HTT: variants seen among roughly 807,000 people sequenced by gnomAD.
The protein encoded by HTT is huntingtin.
A neutral mutation model predicts 362.3 loss-of-function variants in HTT; 104 were observed. The observed-to-expected ratio is 0.29, with a 90% CI of 0.24 to 0.34. The LOEUF is 0.34. Ranked by LOEUF, HTT falls within the 10% of genes least tolerant of loss-of-function variation. HTT has a pLI of 1.00. For missense variants in HTT, 3,301 were observed against 3,928.6 expected (o/e 0.84, Z 4.27); for synonymous variants, 1,577 against 1,548.7 (o/e 1.02, Z -0.43).
At chr4:3,152,076 C>A (rs1026656647) in intron 26 of HTT, among the ~76,000 whole-genome samples, 1 of 151,160 alleles carries the variant, frequency 6.6e-6, no homozygotes, top group Non-Finnish European at 1.5e-5. Context: ...TACAGGCATA[C>A]CCACCATGCC....
At chr4:3,103,347 C>G (rs1174700593) in intron 3 of HTT, among the ~76,000 whole-genome samples, 13 of 150,894 alleles carry the variant, frequency 8.6e-5, no homozygotes, top group Admixed American at 5.9e-4. Flanking sequence ...GCCTCAGCCT[C>G]TCGAGTAGCT....
intron 27 of HTT, among the ~76,000 whole-genome samples, chr4:3,156,322 G>A (rs542588178): frequency 2.4e-4 from 36 of 151,880 alleles, no homozygotes. Flanking sequence ...GTTTCACCAT[G>A]TTGGCCAGGC....
At chr4:3,195,788 CTCCTT>C (rs1266964082) in intron 40 of HTT, among the ~76,000 whole-genome samples, 1 of 152,192 alleles carries the variant, frequency 6.6e-6, no homozygotes, top group African/African-American at 2.4e-5. Flanking sequence ...GGGACCCAGG[CTCCTT>C]TCCTTCTTTT....
chr4:3,203,565 A>G (rs952278928), intron 41 of HTT, among the ~76,000 whole-genome samples: 1 of 152,274 alleles, frequency 6.6e-6, no homozygotes, highest in Non-Finnish European at 1.5e-5. Context: ...TAACATCAAC[A>G]TGTTTAGAGT....
chr4:3,142,784 C>G lies in HTT; in HGVS notation c.2964C>G (p.Asn988Lys). 6.5e-7 allele frequency: 1 copy of G among 1,528,396 alleles called. No homozygotes were observed. The highest frequency in any genetic ancestry group is 1.4e-5 in the African/African-American group (1 of 73,192). 94.7% of individuals were successfully genotyped at this position (1,528,396 alleles called of 1,614,324 possible). ...TTATTAGAATATATAGAGGCTATAA[C>G]CTACTACCAAGCATAACAGACGTCA... is the stretch of plus-strand genomic sequence containing the variant. ...STITRIYRGY[N>K]LLPSITDVTM... is the part of the protein sequence containing the mutation. Residue 988 changes from asparagine (N) to lysine (K), a missense_variant, in exon 23 of 67, where the codon AAC becomes AAG. Transcript: ENST00000355072.
At chr4:3,191,011 GA>G (rs1287993389) in intron 40 of HTT, among the ~76,000 whole-genome samples, 1 of 152,158 alleles carries the variant, frequency 6.6e-6, no homozygotes, top group Non-Finnish European at 1.5e-5. Flanking sequence ...TGATCTGTTG[GA>G]AGCCCTTGAT....
intron 1 of HTT, among the ~76,000 whole-genome samples, chr4:3,082,878 G>A (rs1023677022): frequency 6.6e-6 from 1 of 152,128 alleles, no homozygotes; most frequent in Admixed American, 6.6e-5. Context: ...TAGATGAACT[G>A]GAAGGACCCT....
intron 5 of HTT, among the ~76,000 whole-genome samples, chr4:3,105,973 G>A (rs951524938): frequency 6.6e-6 from 1 of 152,196 alleles, no homozygotes; most frequent in African/African-American, 2.4e-5. Context: ...TCCTTAACCA[G>A]CAATACATGC....
chr4:3,164,786 C>G (rs1245732039), intron 29 of HTT, among the ~76,000 whole-genome samples: 1 of 152,168 alleles, frequency 6.6e-6, no homozygotes, highest in Non-Finnish European at 1.5e-5. Context: ...AGATCTTCCT[C>G]CATCCCTTTA....
chr4:3,145,421 C>G (rs570291828), intron 24 of HTT, among the ~76,000 whole-genome samples, 193 bp downstream of exon 24: 71 of 152,236 alleles, frequency 4.7e-4, no homozygotes, highest in African/African-American at 1.6e-3. Context: ...GAAATGAATG[C>G]CAAATGTTCT....
chr4:3,156,410 G>A (rs1037032484), intron 27 of HTT, among the ~76,000 whole-genome samples: 1 of 152,182 alleles, frequency 6.6e-6, no homozygotes, highest in Non-Finnish European at 1.5e-5. Flanking sequence ...GTGAGCCACT[G>A]CACCCGGCCT....
chr4:3,105,332 T>C (rs763986713), intron 4 of HTT, 25 bp from the exon 5 acceptor site: 5 of 1,556,054 alleles, frequency 3.2e-6, no homozygotes, highest in Non-Finnish European at 1.8e-6. Flanking sequence ...TGACTCTTAA[T>C]GCAACCCTCA....
rs201739761 is a variant in HTT at position 3,127,335 on chromosome 4, C to T, written c.1474C>T (p.His492Tyr). Residue 492 changes from histidine to tyrosine, a missense_variant, in exon 12 of 67, where the codon CAT becomes TAT. By Grantham distance (83) the His-to-Tyr change is moderately conservative. Transcript: ENST00000355072. ...GGTTTCCACTCCAGGGTCAGCAGGT[C>T]ATGACATCATCACAGAACAGCCACG... is the stretch of plus-strand genomic sequence containing the variant. Reference protein sequence around the residue: ...SGVSTPGSAGHDIITEQPRSQ... With the variant: ...SGVSTPGSAGYDIITEQPRSQ... 3.2e-5 allele frequency: 52 copies of T among 1,614,050 alleles called. No homozygotes were observed. The highest frequency in any genetic ancestry group is 3.7e-5 in the Non-Finnish European group (44 of 1,180,022).
Position 3,235,149 on chromosome 4 carries a change from G to A in HTT, c.8457-135G>A, listed in dbSNP as rs189758483. ...GGCCAGGTTGCAGGGGCCTGGGGGAGCCACTCAGGGTAGGCGCTCCCGGGA... is the reference window on the plus strand; with the variant it reads ...GGCCAGGTTGCAGGGGCCTGGGGGAACCACTCAGGGTAGGCGCTCCCGGGA... On this transcript the variant is annotated intron_variant, in intron 61 of 66. Transcript: ENST00000355072. 69 of 645,194 alleles carry A rather than the reference G, an allele frequency of 1.1e-4. 1 individual carries two copies. The highest frequency in any genetic ancestry group is 5.2e-4 in the African/African-American group (29 of 55,406). 40.0% of individuals were successfully genotyped at this position (645,194 alleles called of 1,614,324 possible).
intron 40 of HTT, among the ~76,000 whole-genome samples, chr4:3,192,438 T>C (rs868528946): frequency 6.6e-6 from 1 of 152,184 alleles, no homozygotes; most frequent in Admixed American, 6.5e-5. Flanking sequence ...TGACCGAAGA[T>C]GACCTCTAGC....
chr4:3,082,325 T>C (rs993442671), intron 1 of HTT, among the ~76,000 whole-genome samples: 1 of 151,446 alleles, frequency 6.6e-6, no homozygotes, highest in Non-Finnish European at 1.5e-5. Flanking sequence ...TCACCTCCAT[T>C]TCCTGTAAAT....
Position 3,125,532 on chromosome 4 carries a change from G to C in HTT, c.1322-17G>C. The C allele has an allele frequency of 6.3e-7, 1 of 1,577,086 alleles. No individual in the cohort carries two copies. Among genetic ancestry groups the C allele is most frequent in the Non-Finnish European group, 8.7e-7 (1 of 1,146,878 alleles). ...TTTTTAGCAAACTAAAAGGAATGTT[G>C]GTACATTATTTACTAGGCAAAGTGC... On this transcript the variant is annotated splice_polypyrimidine_tract_variant and intron_variant, in intron 10 of 66. Transcript: ENST00000355072.
At chr4:3,145,878 CCA>C (rs1716574043) in intron 24 of HTT, among the ~76,000 whole-genome samples, 1 of 152,158 alleles carries the variant, frequency 6.6e-6, no homozygotes, top group Admixed American at 6.5e-5. Flanking sequence ...GATTGCTTTC[CCA>C]CCTTCCTCAC....
Position 3,110,411 on chromosome 4 carries a change from C to T in HTT, c.747+2988C>T, listed in dbSNP as rs190212302. Among the ~76,000 whole-genome samples, 6 of 152,282 alleles carry T rather than the reference C, an allele frequency of 3.9e-5. No homozygotes were observed. The East Asian group carries it at 1.2e-3, about 29-fold the overall frequency. On this transcript the variant is annotated intron_variant, in intron 6 of 66. Transcript: ENST00000355072. ...GAGTTATCCAGCTCTCTGCCCCAGT[C>T]TGGGCAGGTTGATCTTCAGGTCTGT...
Sources: allele counts gnomAD v4.1 joint callset (sites outside exome capture counted in the v4.1 genomes callset), GRCh38; gene constraint gnomAD v4.1.1; transcripts MANE v1.5; gene names NCBI Gene and HGNC (gene_info 2026-07-23, HGNC 2026-07-21).